The following KDM8 variants were observed in gnomAD, a reference collection of about 807,000 sequenced individuals.
KDM8 encodes the protein lysine demethylase 8.
KDM8 carries 35 observed loss-of-function variants against 46.9 expected under a neutral mutation model. That is an observed-to-expected ratio of 0.75 (90% CI 0.57 to 0.99). The LOEUF (loss-of-function observed/expected upper bound fraction) is 0.99. KDM8 is among the 50% of genes least tolerant of loss of function. KDM8 has a pLI of 0.00. For missense variants in KDM8, 475 were observed against 537.0 expected (o/e 0.88, Z 1.14); for synonymous variants, 232 against 227.7 (o/e 1.02, Z -0.17).
At position 27,213,734 on chromosome 16, in the gene KDM8, G is replaced by A. The variant is rs1166690294; in HGVS notation, c.648G>A (p.Pro216=). The change falls in exon 3 of 8, where the codon CCG becomes CCA. Residue 216 remains proline (P), a synonymous_variant. Coordinates refer to ENST00000286096, the MANE Select transcript of KDM8 (RefSeq NM_024773.3). ...VILKGVADHW[P]CMQKWSLEYI... is the part of the protein sequence containing the mutation. Reference sequence around the variant, plus strand: ...TGAAAGGCGTGGCTGACCACTGGCCGTGCATGCAGAAGTGGAGGTGGGTGG... The same window carrying A: ...TGAAAGGCGTGGCTGACCACTGGCCATGCATGCAGAAGTGGAGGTGGGTGG... The A allele has an allele frequency of 9.9e-6, 16 of 1,614,014 alleles. No individual in the cohort carries two copies. The highest frequency in any genetic ancestry group is 6.7e-5 in the Admixed American group (4 of 59,992).
intron 2 of KDM8, 93 bp downstream of exon 2, chr16:27,210,714 T>G (rs2083474801): frequency 7.9e-7 from 1 of 1,264,778 alleles, no homozygotes; most frequent in Non-Finnish European, 1.1e-6. Context: ...GGGTGAGGCC[T>G]CGTGGCCTGC....
intron 6 of KDM8, among the ~76,000 whole-genome samples, chr16:27,219,339 C>T (rs971332188): frequency 6.6e-6 from 1 of 152,250 alleles, no homozygotes; most frequent in Non-Finnish European, 1.5e-5. Context: ...TCCCAAGATC[C>T]CTCACAGGGG....
intron 2 of KDM8, 117 bp downstream of exon 2, chr16:27,210,738 G>C (rs2083475319): frequency 1.0e-6 from 1 of 990,500 alleles, no homozygotes; most frequent in African/African-American, 1.6e-5. Flanking sequence ...CCCTCTGGTG[G>C]AAAACAGCAT....
At chr16:27,205,099 A>G (rs955463123) in intron 1 of KDM8, among the ~76,000 whole-genome samples, 1 of 152,202 alleles carries the variant, frequency 6.6e-6, no homozygotes, top group Non-Finnish European at 1.5e-5. Context: ...GATATATCCC[A>G]TAACCTACCA....
intron 6 of KDM8, chr16:27,220,175 C>T (rs1346603549): frequency 1.8e-5 from 10 of 566,552 alleles, no homozygotes; most frequent in Middle Eastern, 4.8e-4. Context: ...GAGCCATGAT[C>T]GTACCACTGC....
intron 2 of KDM8, chr16:27,211,366 G>T: frequency 2.7e-6 from 1 of 364,220 alleles, no homozygotes. Flanking sequence ...GCTGATGTCT[G>T]TTTTGGGGTC....
intron 4 of KDM8, 73 bp downstream of exon 4, chr16:27,215,081 C>G (rs753387594): frequency 7.1e-6 from 11 of 1,556,030 alleles, no homozygotes; most frequent in Non-Finnish European, 9.7e-6. Flanking sequence ...AAATAACCCC[C>G]CATGTGTTGT....
At chr16:27,208,225 GC>G (rs1483178295) in intron 1 of KDM8, among the ~76,000 whole-genome samples, 1 of 152,238 alleles carries the variant, frequency 6.6e-6, no homozygotes, top group Non-Finnish European at 1.5e-5. Flanking sequence ...TAGCAGATAG[GC>G]CGCCTATGAA....
chr16:27,221,097 A>C lies in KDM8; in HGVS notation c.*367A>C, dbSNP rs1200351198. 1.9e-5 allele frequency: 7 copies of C among 367,106 alleles called. No homozygotes were observed. Among genetic ancestry groups the C allele is most frequent in the Non-Finnish European group, 3.7e-5 (7 of 188,544 alleles). The allele number at this position is 367,106 out of a possible 1,614,324, so 22.7% of individuals were successfully genotyped here. On this transcript the variant is annotated 3_prime_UTR_variant, in exon 8 of 8. Transcript: ENST00000286096. ...GCTCTGAGGTTGGCTACCTGATTCAAACCCGGCCGCGCTGTGCACCTGCTG... is the reference window on the plus strand; with the variant it reads ...GCTCTGAGGTTGGCTACCTGATTCACACCCGGCCGCGCTGTGCACCTGCTG...
intron 3 of KDM8, chr16:27,213,972 A>G: frequency 2.0e-6 from 1 of 507,784 alleles, no homozygotes. Context: ...GCTCGCCTTA[A>G]GCGGTTTTTT....
intron 1 of KDM8, among the ~76,000 whole-genome samples, chr16:27,208,843 A>C (rs1416040439): frequency 1.3e-5 from 2 of 152,030 alleles, no homozygotes; most frequent in Non-Finnish European, 2.9e-5. Flanking sequence ...TAGAGATAGA[A>C]CCCACCCTGG....
At chr16:27,211,215 T>A (rs770129059) in intron 2 of KDM8, 3 of 454,980 alleles carry the variant, frequency 6.6e-6, no homozygotes, top group South Asian at 4.7e-5. Flanking sequence ...TTAAAGCGAT[T>A]GTGTGGGTGA....
chr16:27,220,472 A>G lies in KDM8; in HGVS notation c.1073A>G (p.His358Arg), dbSNP rs986425573. 6.2e-7 allele frequency: 1 copy of G among 1,614,148 alleles called. No individual in the cohort carries two copies. The highest frequency in any genetic ancestry group is 8.5e-7 in the Non-Finnish European group (1 of 1,179,984). Residue 358 changes from histidine (H) to arginine (R), a missense_variant, in exon 7 of 8, where the codon CAT becomes CGT. Transcript: ENST00000286096. ...TACCCTCATGACACGCACCTTCTCC[A>G]TAACACGAGCCAGGTGGGCACTGGG... is the stretch of plus-strand genomic sequence containing the variant. Reference protein sequence around the residue: ...ALYPHDTHLLHNTSQVDVENP... With the variant: ...ALYPHDTHLLRNTSQVDVENP...
chr16:27,219,016 G>A lies in KDM8; in HGVS notation c.899G>A (p.Gly300Glu), dbSNP rs1596659671. Residue 300 changes from glycine (G) to glutamate (E), a missense_variant, in exon 6 of 8, where the codon GGG becomes GAG. Physicochemically the swap from Gly to Glu is moderately conservative, Grantham distance 98. Transcript: ENST00000286096. ...CCCGACTACTGCAGCCTGGGCGATG[G>A]GGAGGAGGAGGAAATCACCATCAAT... The part of the protein sequence containing the change: ...SIPDYCSLGD[G>E]EEEEITINAW... 1 of 1,614,072 alleles carries A rather than the reference G, an allele frequency of 6.2e-7. No homozygotes were observed. Among genetic ancestry groups the A allele is most frequent in the East Asian group, 2.2e-5 (1 of 44,874 alleles).
chr16:27,214,996 C>T lies in KDM8; in HGVS notation c.786C>T (p.Tyr262=). The T allele has an allele frequency of 6.2e-7, 1 of 1,614,122 alleles. No homozygotes were observed. The highest frequency in any genetic ancestry group is 8.5e-7 in the Non-Finnish European group (1 of 1,180,000). The change falls in exon 4 of 8, where the codon TAC becomes TAT. Residue 262 remains tyrosine, a synonymous_variant. Coordinates refer to ENST00000286096, the MANE Select transcript of KDM8 (RefSeq NM_024773.3). ...LMTVNEFISK[Y]IVNEPRDVGY... Reference sequence around the variant, plus strand: ...CGGTCAACGAGTTCATCAGCAAATACATCGTGAATGAGGTACATCATGGGG... The same window carrying T: ...CGGTCAACGAGTTCATCAGCAAATATATCGTGAATGAGGTACATCATGGGG...
chr16:27,214,829 C>G, intron 3 of KDM8, 47 bp from the exon 4 acceptor site: 1 of 1,610,150 alleles, frequency 6.2e-7, no homozygotes, highest in South Asian at 1.1e-5. Flanking sequence ...AGTACTATGC[C>G]CAACAGATAT....
chr16:27,207,704 C>T (rs117274057), intron 1 of KDM8, among the ~76,000 whole-genome samples: 2,694 of 152,310 alleles, frequency 0.018, 110 homozygotes, highest in South Asian at 0.091. Flanking sequence ...CTTCAGCTCC[C>T]GGAGTAGCTG....
At chr16:27,207,866 C>T (rs1367574307) in intron 1 of KDM8, among the ~76,000 whole-genome samples, 1 of 152,172 alleles carries the variant, frequency 6.6e-6, no homozygotes, top group East Asian at 1.9e-4. Flanking sequence ...ATTATAGGTG[C>T]CCTGCTGGGG....
chr16:27,205,030 A>T (rs897066923), intron 1 of KDM8, among the ~76,000 whole-genome samples: 1 of 152,198 alleles, frequency 6.6e-6, no homozygotes, highest in Non-Finnish European at 1.5e-5. Context: ...CGTCTCAAAA[A>T]AAATAATAAA....
Sources: gnomAD v4.1 joint callset for allele counts (sites outside exome capture counted in the v4.1 genomes callset) on GRCh38, gnomAD v4.1.1 for gene constraint, MANE v1.5 for transcripts, NCBI Gene and HGNC (gene_info 2026-07-23, HGNC 2026-07-21) for gene names.